Variants in CXCL17 observed in about 807,000 individuals in gnomAD.
The protein encoded by CXCL17 is C-X-C motif chemokine ligand 17.
CXCL17 carries 9 observed loss-of-function variants against 15.5 expected under a neutral mutation model. That is an observed-to-expected ratio of 0.58 (90% CI 0.35 to 1.01). CXCL17 has a LOEUF of 1.01. Ranked by LOEUF, CXCL17 falls within the 50% of genes least tolerant of loss-of-function variation. The pLI is 0.02. For synonymous variants in CXCL17, 52 were observed against 52.3 expected, an observed-to-expected ratio of 0.99 and a Z score of 0.02; for missense variants, 133 against 138.2, an observed-to-expected ratio of 0.96 and a Z score of 0.19.
chr19:42,428,654 G>A lies in CXCL17; in HGVS notation c.*230C>T, dbSNP rs2040741473. On this transcript the variant is annotated 3_prime_UTR_variant, in exon 4 of 4. Coordinates refer to ENST00000601181, the MANE Select transcript of CXCL17 (RefSeq NM_198477.3). Reference sequence around the variant, plus strand: ...TTCCTGGAATCTTTCAGGTAATTAAGCCTAAGCCTGGGTAAGGGGAGGGCA... The same window carrying A: ...TTCCTGGAATCTTTCAGGTAATTAAACCTAAGCCTGGGTAAGGGGAGGGCA... 3 of 435,252 alleles carry A rather than the reference G, an allele frequency of 6.9e-6. No individual in the cohort carries two copies. The highest frequency in any genetic ancestry group is 4.0e-5 in the African/African-American group (2 of 50,234). The allele number at this position is 435,252 out of a possible 1,614,324, so 27.0% of individuals were successfully genotyped here.
At chr19:42,435,664 T>C (rs1292525558) in intron 1 of CXCL17, among the ~76,000 whole-genome samples, 2 of 151,844 alleles carry the variant, frequency 1.3e-5, no homozygotes, top group African/African-American at 2.4e-5. Flanking sequence ...ACCCTGTCTT[T>C]ACTAAAAATA....
intron 3 of CXCL17, among the ~76,000 whole-genome samples, chr19:42,431,359 A>G (rs1942210997): frequency 6.6e-6 from 1 of 152,226 alleles, no homozygotes; most frequent in African/African-American, 2.4e-5. Context: ...TGTTACAGAT[A>G]TCGTCTCCTA....
chr19:42,435,606 G>A (rs1412395286), intron 1 of CXCL17, among the ~76,000 whole-genome samples: 1 of 152,126 alleles, frequency 6.6e-6, no homozygotes, highest in Non-Finnish European at 1.5e-5. Context: ...GCCGAGGTGG[G>A]TGAATCACAG....
chr19:42,431,707 A>T (rs889627974), intron 3 of CXCL17, among the ~76,000 whole-genome samples: 2 of 149,986 alleles, frequency 1.3e-5, no homozygotes, highest in African/African-American at 4.9e-5. Flanking sequence ...TATTATTGTT[A>T]TTATTATATT....
intron 1 of CXCL17, among the ~76,000 whole-genome samples, chr19:42,438,657 C>T (rs1484393161): frequency 1.3e-5 from 2 of 151,800 alleles, no homozygotes; most frequent in African/African-American, 2.4e-5. Context: ...AGTCAGTGCC[C>T]ATAGTCTGTA....
chr19:42,434,039 G>A (rs993382070), intron 1 of CXCL17, among the ~76,000 whole-genome samples, 183 bp from the exon 2 acceptor site: 1 of 152,124 alleles, frequency 6.6e-6, no homozygotes, highest in African/African-American at 2.4e-5. Flanking sequence ...TTGCTGTGTT[G>A]CCTAGGCTGG....
At chr19:42,439,644 T>C (rs2040872572) in intron 1 of CXCL17, among the ~76,000 whole-genome samples, 2 of 152,352 alleles carry the variant, frequency 1.3e-5, no homozygotes, top group Non-Finnish European at 2.9e-5. Context: ...ATCGACATCC[T>C]GGGGCTCTTG....
intron 3 of CXCL17, 112 bp downstream of exon 3, chr19:42,432,864 G>T: frequency 1.3e-6 from 1 of 775,780 alleles, no homozygotes; most frequent in Non-Finnish European, 2.2e-6. Flanking sequence ...GCTGAGTTGT[G>T]TGCTTATCCT....
intron 3 of CXCL17, 36 bp from the exon 4 acceptor site, chr19:42,429,017 A>T: frequency 6.7e-7 from 1 of 1,491,040 alleles, no homozygotes. Flanking sequence ...CTAGTGTTAA[A>T]ACCATTTTTA....
Position 42,428,976 on chromosome 19 carries a change from G to C in CXCL17, c.268C>G (p.Gln90Glu), listed in dbSNP as rs2040745853. 3.1e-6 allele frequency: 5 copies of C among 1,612,880 alleles called. No individual in the cohort carries two copies. In the African/African-American group the frequency reaches 6.7e-5, roughly 22 times the overall value. The part of the protein sequence containing the change: ...FKGNVKKTRH[Q>E]RHHRKPNKHS... ...TTGTTTGGCTTTCTGTGGTGCCTTT[G>C]GTGTCCTAGGGTGCAAATAAAGGGG... Residue 90 changes from glutamine to glutamate, a missense_variant, in exon 4 of 4, where the codon CAA becomes GAA. Coordinates refer to ENST00000601181, the MANE Select transcript of CXCL17 (RefSeq NM_198477.3).
intron 1 of CXCL17, among the ~76,000 whole-genome samples, chr19:42,436,454 ATTAT>A (rs932907920): frequency 3.3e-5 from 5 of 151,900 alleles, no homozygotes; most frequent in African/African-American, 1.2e-4. Flanking sequence ...AATCCCAGAG[ATTAT>A]TTAATTGAAT....
At chr19:42,430,958 C>T (rs1179296887) in intron 3 of CXCL17, among the ~76,000 whole-genome samples, 1 of 152,130 alleles carries the variant, frequency 6.6e-6, no homozygotes, top group Non-Finnish European at 1.5e-5. Context: ...CTGTCTCAGC[C>T]TCCTAAGTAG....
intron 3 of CXCL17, among the ~76,000 whole-genome samples, chr19:42,431,781 T>A (rs1467542382): frequency 6.6e-6 from 1 of 152,050 alleles, no homozygotes; most frequent in Non-Finnish European, 1.5e-5. Flanking sequence ...GCTTACTGGA[T>A]CCTCCTGCCT....
chr19:42,428,884 C>T lies in CXCL17; in HGVS notation c.360G>A (p.Ter120=). ...CQLRSFALPL[*] is the part of the protein sequence containing the mutation. ...TTGGAAGAGTGGGCGCTCAGAGCTC[C>T]TACAAAGGCAGAGCAAAGCTTCTTA... Residue 120 remains the stop codon, a stop_retained_variant, in exon 4 of 4, where the codon TAG becomes TAA. Transcript: ENST00000601181. 1.2e-6 allele frequency: 2 copies of T among 1,612,256 alleles called. No individual in the cohort carries two copies.
chr19:42,430,173 G>A (rs766421799), intron 3 of CXCL17, among the ~76,000 whole-genome samples: 1 of 151,140 alleles, frequency 6.6e-6, no homozygotes, highest in African/African-American at 2.4e-5. Flanking sequence ...CCCTCCCTCT[G>A]CAAAAAAAAC....
rs1242392430 is a variant in CXCL17 at position 42,438,118 on chromosome 19, G to A, written c.80-4262C>T. On this transcript the variant is annotated intron_variant, in intron 1 of 3. Coordinates refer to ENST00000601181, the MANE Select transcript of CXCL17 (RefSeq NM_198477.3). ...TCACACCTGTAATCCCAGCACTTTGGGAGGCCGAGGCAGGCGGATCACGAG... is the reference window on the plus strand; with the variant it reads ...TCACACCTGTAATCCCAGCACTTTGAGAGGCCGAGGCAGGCGGATCACGAG... Among the ~76,000 whole-genome samples, 7 of 151,582 alleles carry A rather than the reference G, an allele frequency of 4.6e-5. 1 individual carries two copies. Among genetic ancestry groups the A allele is most frequent in the African/African-American group, 1.5e-4 (6 of 41,198 alleles).
intron 1 of CXCL17, among the ~76,000 whole-genome samples, chr19:42,434,978 G>A (rs1417647473): frequency 1.3e-5 from 2 of 151,846 alleles, no homozygotes; most frequent in Non-Finnish European, 2.9e-5. Context: ...AGGAGGTCAA[G>A]ACCATCCTGG....
At chr19:42,439,954 G>A (rs186931645) in intron 1 of CXCL17, among the ~76,000 whole-genome samples, 1 of 152,172 alleles carries the variant, frequency 6.6e-6, no homozygotes, top group Non-Finnish European at 1.5e-5. Flanking sequence ...TAATATTATG[G>A]TATCAGTGCT....
Position 42,433,017 on chromosome 19 carries a change from T to A in CXCL17, c.221A>T (p.Gln74Leu). Residue 74 changes from glutamine to leucine, a missense_variant, in exon 3 of 4, where the codon CAG becomes CTG. Transcript: ENST00000601181. Reference sequence around the variant, plus strand: ...GCCCTTGAAATGATCACAGGGGCACTGCTTCTTTGGCAGCCCAGACACTGT... The same window carrying A: ...GCCCTTGAAATGATCACAGGGGCACAGCTTCTTTGGCAGCCCAGACACTGT... ...FMTVSGLPKK[Q>L]CPCDHFKGNV... The A allele has an allele frequency of 6.2e-7, 1 of 1,614,190 alleles. No individual in the cohort carries two copies. Among genetic ancestry groups the A allele is most frequent in the Non-Finnish European group, 8.5e-7 (1 of 1,180,022 alleles).
Sources: allele counts gnomAD v4.1 joint callset (sites outside exome capture counted in the v4.1 genomes callset), GRCh38; gene constraint gnomAD v4.1.1; transcripts MANE v1.5; gene names NCBI Gene and HGNC (gene_info 2026-07-23, HGNC 2026-07-21).